Variants in ATG2A observed in about 807,000 individuals in gnomAD.
The protein encoded by ATG2A is autophagy related 2A, also known as autophagy-related protein 2 homolog A.
ATG2A carries 103 observed loss-of-function variants against 214.2 expected under a neutral mutation model. The observed-to-expected ratio is 0.48, with a 90% CI of 0.41 to 0.57. The LOEUF is 0.57. ATG2A is among the 20% of genes least tolerant of loss of function. ATG2A has a pLI of 0.00. For synonymous variants in ATG2A, 1,160 were observed against 1,142.1 expected, an observed-to-expected ratio of 1.02 and a Z score of -0.32; for missense variants, 2,312 against 2,613.2, an observed-to-expected ratio of 0.88 and a Z score of 2.51.
chr11:64,909,354 A>G lies in ATG2A; in HGVS notation c.2121T>C (p.Asp707=). ...GGCAAGGGACAGGTGGCTTCCCTCC[A>G]TCTTCATAGATACCTGGAGGGGGAT... The part of the protein sequence containing the change: ...TCSDLHGIYE[D]GGKPPVPCLR... Residue 707 remains aspartate, a synonymous_variant, in exon 15 of 41, where the codon GAT becomes GAC. Transcript: ENST00000377264. The G allele has an allele frequency of 6.2e-7, 1 of 1,613,020 alleles. No homozygotes were observed. The highest frequency in any genetic ancestry group is 1.7e-5 in the Admixed American group (1 of 60,010).
intron 29 of ATG2A, 116 bp from the exon 30 acceptor site, chr11:64,901,208 G>A (rs1046429447): frequency 1.1e-5 from 12 of 1,105,554 alleles, no homozygotes; most frequent in East Asian, 2.6e-5. Context: ...AGACAGGGTC[G>A]GGTCATGTTC....
Position 64,895,588 on chromosome 11 carries a change from C to T in ATG2A, c.5428-146G>A. 1.1e-6 allele frequency: 1 copy of T among 872,982 alleles called. No homozygotes were observed. The highest frequency in any genetic ancestry group is 1.7e-6 in the Non-Finnish European group (1 of 590,436). 54.1% of individuals were successfully genotyped at this position (872,982 alleles called of 1,614,324 possible). A position where few individuals can be genotyped will look rare whatever the true frequency, so the allele number is the denominator to read the frequency against. ...TAGGGGGTCCTGCTCAGCCTCACTC[C>T]CCACTTCCTCCCACTCTTCCTCCCC... On this transcript the variant is annotated intron_variant, in intron 39 of 40. Transcript: ENST00000377264. The surrounding 1 kb of genome is among the most constrained non-coding windows in gnomAD (Gnocchi z 5.0).
At chr11:64,912,496 C>G in intron 6 of ATG2A, 73 bp from the exon 7 acceptor site, 1 of 1,311,152 alleles carries the variant, frequency 7.6e-7, no homozygotes, top group South Asian at 1.4e-5. Flanking sequence ...ACCCGCCTGC[C>G]CTCGCCCTGG....
At position 64,911,980 on chromosome 11, in the gene ATG2A, G is replaced by A; in HGVS notation, c.1090C>T (p.Leu364Phe). 6.2e-7 allele frequency: 1 copy of A among 1,613,808 alleles called. No individual in the cohort carries two copies. Among genetic ancestry groups the A allele is most frequent in the Admixed American group, 1.7e-5 (1 of 59,968 alleles). Residue 364 changes from leucine to phenylalanine, a missense_variant and splice_region_variant, in exon 9 of 41, where the codon CTC (leucine) becomes TTC (phenylalanine). Physicochemically the swap from Leu to Phe is conservative, Grantham distance 22. Coordinates refer to ENST00000377264, the MANE Select transcript of ATG2A (RefSeq NM_015104.3). Reference protein sequence around the residue: ...NPLLNLDNTDLFFSMAGLTSS... With the variant: ...NPLLNLDNTDFFFSMAGLTSS... ...GTGAGGCCAGCCATGGAGAAGAAGA[G>A]GTCTGTGGGTGAAGTGAGGAGTGTC...
At position 64,913,597 on chromosome 11, in the gene ATG2A, C is replaced by A; in HGVS notation, c.591-196G>T. The A allele has an allele frequency of 1.2e-6, 1 of 857,998 alleles. No individual in the cohort carries two copies. Among genetic ancestry groups the A allele is most frequent in the Non-Finnish European group, 1.7e-6 (1 of 571,852 alleles). The allele number at this position is 857,998 out of a possible 1,614,324, so 53.1% of individuals were successfully genotyped here. ...CCCTTGCTCCTCAGACCCTCAGCAT[C>A]TAACTTGGTTCTTGGGGCCTCGGCC... On this transcript the variant is annotated intron_variant, in intron 4 of 40. Coordinates refer to ENST00000377264, the MANE Select transcript of ATG2A (RefSeq NM_015104.3). This position sits in a 1 kb window ranked among gnomAD's most constrained non-coding sequence, Gnocchi z 4.3.
Position 64,897,416 on chromosome 11 carries a change from G to C in ATG2A, c.5146C>G (p.His1716Asp). Reference sequence around the variant, plus strand: ...GCTGGGGTGCTGGGGACTCACCCGTGCCTGCAACAGAGCCGCTTTAGCTTC... The same window carrying C: ...GCTGGGGTGCTGGGGACTCACCCGTCCCTGCAACAGAGCCGCTTTAGCTTC... Reference protein sequence around the residue: ...ELKLKRLCCRHGLLGVDKVLG... With the variant: ...ELKLKRLCCRDGLLGVDKVLG... The change falls in exon 37 of 41, where the codon CAC becomes GAC. Residue 1716 changes from histidine to aspartate, a missense_variant. Coordinates refer to ENST00000377264, the MANE Select transcript of ATG2A (RefSeq NM_015104.3). The C allele has an allele frequency of 6.4e-7, 1 of 1,562,502 alleles. No homozygotes were observed. The highest frequency in any genetic ancestry group is 8.7e-7 in the Non-Finnish European group (1 of 1,153,150).
Position 64,895,504 on chromosome 11 carries a change from C to G in ATG2A, c.5428-62G>C. 2 of 1,462,632 alleles carry G rather than the reference C, an allele frequency of 1.4e-6. No homozygotes were observed. Among genetic ancestry groups the G allele is most frequent in the South Asian group, 2.8e-5 (2 of 71,862 alleles). The allele number at this position is 1,462,632 out of a possible 1,614,324, so 90.6% of individuals were successfully genotyped here. On this transcript the variant is annotated intron_variant, in intron 39 of 40. Coordinates refer to ENST00000377264, the MANE Select transcript of ATG2A (RefSeq NM_015104.3). The surrounding 1 kb of genome is among the most constrained non-coding windows in gnomAD (Gnocchi z 5.0). ...CTGGGGCACACGTCAGCCCCAGGCC[C>G]CCAGGACAGTCTGAGACCCCACCAG...
chr11:64,910,069 C>T lies in ATG2A; in HGVS notation c.1834G>A (p.Val612Ile), dbSNP rs372627540. ...AGGCCGGCTGGAGGCTCAGCAGGTA[C>T]GGTGGCCAGGCGCAGTAGGGCGGCC... ...RLAALLRLAT[V>I]PAEPPAGLLT... The change falls in exon 13 of 41, where the codon GTA becomes ATA. Residue 612 changes from valine to isoleucine, a missense_variant. By Grantham distance (29) the Val-to-Ile change is conservative. Coordinates refer to ENST00000377264, the MANE Select transcript of ATG2A (RefSeq NM_015104.3). 48 of 1,600,882 alleles carry T rather than the reference C, an allele frequency of 3.0e-5. No individual in the cohort carries two copies. The highest frequency in any genetic ancestry group is 2.0e-4 in the Admixed American group (12 of 58,870).
chr11:64,894,910 G>T lies in ATG2A; in HGVS notation c.*63C>A. On this transcript the variant is annotated 3_prime_UTR_variant, in exon 41 of 41. Transcript: ENST00000377264. The stretch of plus-strand genomic sequence containing the variant: ...CCAGGCCGGGCCGGGCCCGTGGGCT[G>T]CAGCTCTTGGGAGGCTCAGGAGCAT... The T allele has an allele frequency of 6.3e-7, 1 of 1,583,932 alleles. No homozygotes were observed. Among genetic ancestry groups the T allele is most frequent in the Non-Finnish European group, 8.6e-7 (1 of 1,158,390 alleles).
rs61742063 is a variant in ATG2A at position 64,897,886 on chromosome 11, T to G, written c.4947A>C (p.Gly1649=). The stretch of plus-strand genomic sequence containing the variant: ...CAGGAGGGGAGGGGCTGTGTCCACC[T>G]CCTGGGGCCTCCTGCGAACCAGTGG... The part of the protein sequence containing the change: ...VETTGSQEAP[G]GGHSPSPPDQ... The change falls in exon 35 of 41, where the codon GGA becomes GGC. Residue 1649 remains glycine, a synonymous_variant. Coordinates refer to ENST00000377264, the MANE Select transcript of ATG2A (RefSeq NM_015104.3). 82,034 of 1,572,170 alleles carry G rather than the reference T, an allele frequency of 0.052. 3,467 individuals are homozygous for G. The highest frequency in any genetic ancestry group is 0.21 in the African/African-American group (15,522 of 73,986).
intron 24 of ATG2A, 137 bp downstream of exon 24, chr11:64,905,426 G>T: frequency 2.0e-6 from 2 of 1,003,714 alleles, no homozygotes; most frequent in East Asian, 2.6e-5. Context: ...CTAGAAAGGC[G>T]GAAACAATCC....
At position 64,913,995 on chromosome 11, in the gene ATG2A, C is replaced by G. The variant is rs1944880960; in HGVS notation, c.488-72G>C. 7.6e-6 allele frequency: 12 copies of G among 1,575,288 alleles called. No individual in the cohort carries two copies. In the Admixed American group the frequency reaches 1.7e-4, roughly 22 times the overall value. Reference sequence around the variant, plus strand: ...GAGGCAGAATTTCCCATCTGGGCACCAGGGTGGCCGTGCCGTTGTCTGGAG... The same window carrying G: ...GAGGCAGAATTTCCCATCTGGGCACGAGGGTGGCCGTGCCGTTGTCTGGAG... On this transcript the variant is annotated intron_variant, in intron 3 of 40. Transcript: ENST00000377264. This position sits in a 1 kb window ranked among gnomAD's most constrained non-coding sequence, Gnocchi z 4.3.
At chr11:64,916,841 G>T in intron 1 of ATG2A, 124 bp downstream of exon 1, 1 of 1,369,814 alleles carries the variant, frequency 7.3e-7, no homozygotes, top group Non-Finnish European at 9.9e-7. Flanking sequence ...CCTGGAGAGG[G>T]CAAGATTCCC....
Position 64,894,952 on chromosome 11 carries a change from T to C in ATG2A, c.*21A>G, listed in dbSNP as rs1329056979. On this transcript the variant is annotated 3_prime_UTR_variant, in exon 41 of 41. Coordinates refer to ENST00000377264, the MANE Select transcript of ATG2A (RefSeq NM_015104.3). Reference sequence around the variant, plus strand: ...CAGGAGCATGGTGGGCAGCACCCTCTGGGTGCCGGGCACCCCAGGCTCAGT... The same window carrying C: ...CAGGAGCATGGTGGGCAGCACCCTCCGGGTGCCGGGCACCCCAGGCTCAGT... 2 of 1,608,696 alleles carry C rather than the reference T, an allele frequency of 1.2e-6. No homozygotes were observed. Among genetic ancestry groups the C allele is most frequent in the South Asian group, 2.2e-5 (2 of 90,964 alleles).
chr11:64,898,491 T>G lies in ATG2A; in HGVS notation c.4672-129A>C. ...CTGTTCCCTTCGCTAACACAGCCCC[T>G]AGCTCTGCCCTTCTCCCAGGCTCAC... On this transcript the variant is annotated intron_variant, in intron 32 of 40. Coordinates refer to ENST00000377264, the MANE Select transcript of ATG2A (RefSeq NM_015104.3). The surrounding 1 kb of genome is among the most constrained non-coding windows in gnomAD (Gnocchi z 4.5). 7.6e-7 allele frequency: 1 copy of G among 1,319,770 alleles called. No individual in the cohort carries two copies. The highest frequency in any genetic ancestry group is 2.5e-5 in the East Asian group (1 of 39,756). The allele number at this position is 1,319,770 out of a possible 1,614,324, so 81.8% of individuals were successfully genotyped here. A position where few individuals can be genotyped will look rare whatever the true frequency, so the allele number is the denominator to read the frequency against.
intron 31 of ATG2A, among the ~76,000 whole-genome samples, chr11:64,899,053 G>A (rs1944261814): frequency 6.6e-6 from 1 of 152,304 alleles, no homozygotes; most frequent in African/African-American, 2.4e-5. Context: ...AGCTGGGATT[G>A]CAGGCATGTG....
At chr11:64,897,576 G>C in intron 36 of ATG2A, 82 bp from the exon 37 acceptor site, 5 of 1,604,660 alleles carry the variant, frequency 3.1e-6, no homozygotes, top group Non-Finnish European at 4.3e-6. Flanking sequence ...AGAGCGCCCT[G>C]GCTGCTAACA....
At position 64,894,902 on chromosome 11, in the gene ATG2A, C is replaced by G. The variant is rs771551561; in HGVS notation, c.*71G>C. The G allele has an allele frequency of 5.1e-6, 8 of 1,572,950 alleles. No individual in the cohort carries two copies. Among genetic ancestry groups the G allele is most frequent in the Admixed American group, 1.7e-5 (1 of 59,934 alleles). On this transcript the variant is annotated 3_prime_UTR_variant, in exon 41 of 41. Transcript: ENST00000377264. ...CTGAAGGGCCAGGCCGGGCCGGGCC[C>G]GTGGGCTGCAGCTCTTGGGAGGCTC...
At chr11:64,908,567 A>G (rs1003564046) in intron 16 of ATG2A, among the ~76,000 whole-genome samples, 5 of 152,130 alleles carry the variant, frequency 3.3e-5, no homozygotes, top group Non-Finnish European at 2.9e-5. Context: ...AAAAAGAAAA[A>G]AAAAGAGAGA....
Sources: allele counts gnomAD v4.1 joint callset (sites outside exome capture counted in the v4.1 genomes callset), GRCh38; gene constraint gnomAD v4.1.1; non-coding constraint Gnocchi (gnomAD v3.1); transcripts MANE v1.5; gene names NCBI Gene and HGNC (gene_info 2026-07-23, HGNC 2026-07-21).